LRRC7: variants seen among roughly 807,000 people sequenced by gnomAD.
LRRC7 encodes the protein leucine rich repeat containing 7.
A neutral mutation model predicts 175.7 loss-of-function variants in LRRC7; 23 were observed. That is an observed-to-expected ratio of 0.13 (90% CI 0.09 to 0.19). LRRC7 has a LOEUF of 0.19. Ranked by LOEUF, LRRC7 falls within the 10% of genes least tolerant of loss-of-function variation. The pLI, the probability that LRRC7 is intolerant of heterozygous loss-of-function variation, is 1.00. For missense variants in LRRC7, 1,354 were observed against 1,904.7 expected (o/e 0.71, Z 5.38); for synonymous variants, 685 against 680.9 (o/e 1.01, Z -0.09).
intron 22 of LRRC7, among the ~76,000 whole-genome samples, 160 bp downstream of exon 22, chr1:70,044,254 G>A (rs1014943915): frequency 2.6e-5 from 4 of 152,162 alleles, no homozygotes; most frequent in African/African-American, 9.7e-5. Context: ...ACTCTTAGCC[G>A]CTAAATGAAT....
chr1:69,994,672 G>T, intron 11 of LRRC7, 39 bp downstream of exon 11: 1 of 1,375,530 alleles, frequency 7.3e-7, no homozygotes, highest in East Asian at 2.3e-5. Flanking sequence ...CCTCTCAAAA[G>T]CCAGAAACTA....
chr1:69,717,927 G>GAAGA (rs1557641928), intron 2 of LRRC7, among the ~76,000 whole-genome samples: 2 of 9,102 alleles, frequency 2.2e-4, no homozygotes, highest in Middle Eastern at 0.029. Context: ...GAGAAAAAAA[G>GAAGA]AAAAGAAAGA....
At chr1:70,031,999 A>G (rs888247840) in intron 18 of LRRC7, among the ~76,000 whole-genome samples, 6 of 152,194 alleles carry the variant, frequency 3.9e-5, no homozygotes, top group Non-Finnish European at 8.8e-5. Context: ...GTGTTTCACC[A>G]TGTTGGCCAG....
chr1:70,087,981 G>A (rs1663738203), intron 24 of LRRC7, among the ~76,000 whole-genome samples: 1 of 152,112 alleles, frequency 6.6e-6, no homozygotes, highest in South Asian at 2.1e-4. Flanking sequence ...AAGAGGTAGG[G>A]ATTGAAGATA....
intron 1 of LRRC7, among the ~76,000 whole-genome samples, chr1:69,644,913 CA>C (rs1654785377): frequency 6.6e-6 from 1 of 151,878 alleles, no homozygotes; most frequent in South Asian, 2.1e-4. Flanking sequence ...AAGCATTTGA[CA>C]AATTAAATAA....
In LRRC7 at chr1:69,801,938, A is replaced by T. The variant is rs573644387; in HGVS notation, c.421+9778A>T. Among the ~76,000 whole-genome samples the T allele has an allele frequency of 9.0e-4, 127 of 141,284 alleles. 1 individual carries two copies. The highest frequency in any genetic ancestry group is 3.1e-3 in the African/African-American group (119 of 38,382). The allele number at this position is 141,284 out of a possible 152,430, so 92.7% of individuals were successfully genotyped here. On this transcript the variant is annotated intron_variant, in intron 4 of 26. Coordinates refer to ENST00000651989, the MANE Select transcript of LRRC7 (RefSeq NM_001370785.2). ...TGTCTCCATTTTCATTCATTTCAAAATTTTTTTTTCTAATTTTTGTCTTAA... is the reference window on the plus strand; with the variant it reads ...TGTCTCCATTTTCATTCATTTCAAATTTTTTTTTTCTAATTTTTGTCTTAA...
chr1:69,909,273 A>G (rs1646436428), intron 7 of LRRC7, among the ~76,000 whole-genome samples: 1 of 152,158 alleles, frequency 6.6e-6, no homozygotes, highest in African/African-American at 2.4e-5. Context: ...ATTTTCATTT[A>G]AAATTAATAT....
At chr1:69,715,662 CAG>C (rs1385584419) in intron 2 of LRRC7, among the ~76,000 whole-genome samples, 1 of 151,764 alleles carries the variant, frequency 6.6e-6, no homozygotes, top group Non-Finnish European at 1.5e-5. Context: ...ATAACCAAAT[CAG>C]TGTTTAAGGT....
chr1:69,857,093 C>T (rs528856809), intron 7 of LRRC7, among the ~76,000 whole-genome samples: 5 of 151,958 alleles, frequency 3.3e-5, no homozygotes, highest in African/African-American at 7.2e-5. Flanking sequence ...TCAATAAATT[C>T]GGTATTGATG....
intron 25 of LRRC7, among the ~76,000 whole-genome samples, chr1:70,095,969 T>A (rs745876678): frequency 6.6e-6 from 1 of 151,966 alleles, no homozygotes; most frequent in African/African-American, 2.4e-5. Context: ...GTTGTTTTTT[T>A]TGTTTTTTTT....
In LRRC7 at chr1:69,856,992, A is replaced by C. The variant is rs186366437; in HGVS notation, c.647+18709A>C. Among the ~76,000 whole-genome samples the C allele has an allele frequency of 4.5e-3, 682 of 152,300 alleles. 3 individuals carry two copies. Among genetic ancestry groups the C allele is most frequent in the Non-Finnish European group, 7.7e-3 (525 of 68,026 alleles). ...ATCAATAAACGTAATACAGCATATA[A>C]ACAGAACCAAAGACAAAAACCACGT... On this transcript the variant is annotated intron_variant, in intron 7 of 26. Coordinates refer to ENST00000651989, the MANE Select transcript of LRRC7 (RefSeq NM_001370785.2).
At chr1:69,787,591 A>T (rs529232556) in intron 3 of LRRC7, among the ~76,000 whole-genome samples, 2 of 152,320 alleles carry the variant, frequency 1.3e-5, no homozygotes, top group East Asian at 3.9e-4. Flanking sequence ...GAAGCTGCCA[A>T]GGCTTGGGGC....
At chr1:69,676,632 C>T (rs1659806562) in intron 1 of LRRC7, among the ~76,000 whole-genome samples, 1 of 152,038 alleles carries the variant, frequency 6.6e-6, no homozygotes, top group African/African-American at 2.4e-5. Context: ...TTGTCAGCAT[C>T]GCCGTGTAAC....
chr1:69,678,294 T>G, intron 1 of LRRC7, 87 bp from the exon 2 acceptor site: 1 of 948,092 alleles, frequency 1.1e-6, no homozygotes, highest in Non-Finnish European at 1.6e-6. Flanking sequence ...CAAAGTTCTG[T>G]GGGAATTTGA....
chr1:69,946,901 A>G (rs1477070211), intron 8 of LRRC7, among the ~76,000 whole-genome samples: 1 of 151,844 alleles, frequency 6.6e-6, no homozygotes, highest in African/African-American at 2.4e-5. Flanking sequence ...AACATGGTGA[A>G]ACCCCATTTC....
At chr1:70,115,954 A>G (rs987420547) in intron 26 of LRRC7, among the ~76,000 whole-genome samples, 2 of 152,202 alleles carry the variant, frequency 1.3e-5, no homozygotes, top group Non-Finnish European at 2.9e-5. Flanking sequence ...TTTTGCAGTT[A>G]TTCTTTTTGT....
intron 2 of LRRC7, among the ~76,000 whole-genome samples, chr1:69,756,647 C>T (rs893596044): frequency 2.0e-5 from 3 of 151,540 alleles, no homozygotes; most frequent in African/African-American, 7.3e-5. Context: ...TGCAAGTCCT[C>T]AAAAAATACA....
rs72502701 is a variant in LRRC7, at chr1:69,693,624, C to CACA, written c.100+15147_100+15148insCAA. Among the ~76,000 whole-genome samples the CACA allele has an allele frequency of 3.3e-5, 5 of 151,996 alleles. No homozygotes were observed. The South Asian group carries it at 1.0e-3, about 32-fold the overall frequency. ...AGGGCAATCTATTTTACTCTAAATC[C>CACA]AATTTAAATGTTAATCTCATCCAAA... On this transcript the variant is annotated intron_variant, in intron 2 of 26. Coordinates refer to ENST00000651989, the MANE Select transcript of LRRC7 (RefSeq NM_001370785.2).
chr1:69,677,333 T>G (rs544085746), intron 1 of LRRC7, among the ~76,000 whole-genome samples: 113 of 150,672 alleles, frequency 7.5e-4, no homozygotes, highest in African/African-American at 2.7e-3. Context: ...GATGGGCAGT[T>G]AGGTTGATTT....
Sources: gnomAD v4.1 joint callset for allele counts (sites outside exome capture counted in the v4.1 genomes callset) on GRCh38, gnomAD v4.1.1 for gene constraint, MANE v1.5 for transcripts, NCBI Gene and HGNC (gene_info 2026-07-23, HGNC 2026-07-21) for gene names.